PARD3B: variants seen among roughly 807,000 people sequenced by gnomAD.
The protein encoded by PARD3B is par-3 family cell polarity regulator beta.
Under a neutral mutation model 130.2 loss-of-function variants are expected in PARD3B, and 103 were observed. The ratio of observed to expected loss-of-function variants is 0.79; its 90% CI spans 0.67 to 0.93. The LOEUF is 0.93. Ranked by LOEUF, PARD3B falls within the 40% of genes least tolerant of loss-of-function variation. PARD3B has a pLI of 0.00. For synonymous variants in PARD3B, 583 were observed against 553.2 expected (o/e 1.05, Z -0.76); for missense variants, 1,609 against 1,499.2 (o/e 1.07, Z -1.21).
At chr2:205,130,807 T>G (rs1008847423) in intron 10 of PARD3B, among the ~76,000 whole-genome samples, 4 of 152,218 alleles carry the variant, frequency 2.6e-5, no homozygotes, top group African/African-American at 9.6e-5. Flanking sequence ...CCTGGCATGA[T>G]TGAAAACCAA....
At chr2:205,030,426 C>T (rs1179174930) in intron 3 of PARD3B, among the ~76,000 whole-genome samples, 2 of 152,080 alleles carry the variant, frequency 1.3e-5, no homozygotes, top group African/African-American at 4.8e-5. Flanking sequence ...GATAGGTCCA[C>T]CAGTCACTTA....
intron 1 of PARD3B, among the ~76,000 whole-genome samples, chr2:204,618,516 A>G (rs2034189097): frequency 6.6e-6 from 1 of 152,210 alleles, no homozygotes; most frequent in Non-Finnish European, 1.5e-5. Flanking sequence ...CCACAACTGC[A>G]ACAGTGACAG....
intron 16 of PARD3B, among the ~76,000 whole-genome samples, chr2:205,277,796 C>T (rs1028503632): frequency 6.6e-6 from 1 of 152,018 alleles, no homozygotes; most frequent in African/African-American, 2.4e-5. Context: ...TAAATCATCC[C>T]GAGGAGTTTG....
At position 205,425,550 on chromosome 2, in the gene PARD3B, TAA is replaced by T. The variant is rs34514205; in HGVS notation, c.2742-14803_2742-14802del. On this transcript the variant is annotated intron_variant, in intron 19 of 22. Coordinates refer to ENST00000406610, the MANE Select transcript of PARD3B (RefSeq NM_001302769.2). ...TTTAGAATATGAAATAGACTCGGTGTAAAAAAAAAAAAAAAAAACAACAACAT... is the reference window on the plus strand; with the variant it reads ...TTTAGAATATGAAATAGACTCGGTGTAAAAAAAAAAAAAAAACAACAACAT... 2.7e-3 allele frequency among the ~76,000 whole-genome samples: 368 copies of T among 134,670 alleles called. 1 individual carries two copies. The highest frequency in any genetic ancestry group is 7.6e-3 in the Middle Eastern group (2 of 262). 88.3% of individuals were successfully genotyped at this position (134,670 alleles called of 152,430 possible).
chr2:204,787,950 C>G (rs1008685953), intron 2 of PARD3B, among the ~76,000 whole-genome samples: 1 of 152,200 alleles, frequency 6.6e-6, no homozygotes, highest in Non-Finnish European at 1.5e-5. Flanking sequence ...TGGGGGCCTC[C>G]TGATCATCAT....
chr2:205,235,562 C>T (rs1261691335), intron 15 of PARD3B, among the ~76,000 whole-genome samples: 1 of 152,016 alleles, frequency 6.6e-6, no homozygotes, highest in Non-Finnish European at 1.5e-5. Context: ...TACTATACAC[C>T]ACAATGGATC....
intron 15 of PARD3B, among the ~76,000 whole-genome samples, chr2:205,236,752 C>T (rs2039079264): frequency 6.6e-6 from 1 of 152,102 alleles, no homozygotes. Flanking sequence ...ACAGAAAAAG[C>T]ATAACCATAT....
chr2:204,812,540 G>A (rs533705267), intron 2 of PARD3B, among the ~76,000 whole-genome samples: 1 of 152,258 alleles, frequency 6.6e-6, no homozygotes, highest in South Asian at 2.1e-4. Flanking sequence ...CTTCTCCCCT[G>A]ATTCTTCCCT....
At chr2:204,899,205 CCCTTCCCTCCCCT>C (rs1454032649) in intron 2 of PARD3B, among the ~76,000 whole-genome samples, 2 of 119,998 alleles carry the variant, frequency 1.7e-5, no homozygotes, top group Non-Finnish European at 1.7e-5. Context: ...TCCCTTCCCT[CCCTTCCCTCCCCT>C]CCTTCCCTCC....
At chr2:205,154,077 A>G (rs1046687584) in intron 10 of PARD3B, among the ~76,000 whole-genome samples, 2 of 152,222 alleles carry the variant, frequency 1.3e-5, no homozygotes, top group East Asian at 1.9e-4. Context: ...GCTTCTGCAC[A>G]GCAAAAGAAA....
intron 1 of PARD3B, among the ~76,000 whole-genome samples, chr2:204,551,299 T>A (rs945288145): frequency 5.9e-5 from 9 of 152,218 alleles, no homozygotes; most frequent in Non-Finnish European, 1.5e-5. Flanking sequence ...GCTCTGACAA[T>A]GCTGGGCTTT....
intron 15 of PARD3B, among the ~76,000 whole-genome samples, chr2:205,197,030 G>GTGTGTGTGT (rs1553636899): frequency 5.9e-4 from 10 of 17,068 alleles, no homozygotes; most frequent in Non-Finnish European, 8.2e-4. Flanking sequence ...CTGTGGGGGG[G>GTGTGTGTGT]GGGTGTGTGT....
chr2:204,749,611 C>CA (rs970255592), intron 2 of PARD3B, among the ~76,000 whole-genome samples: 5 of 151,634 alleles, frequency 3.3e-5, no homozygotes, highest in South Asian at 2.1e-4. Context: ...TTGTTGACAA[C>CA]AAAAAAAAGA....
chr2:204,758,617 A>G (rs1284605304), intron 2 of PARD3B, among the ~76,000 whole-genome samples: 1 of 152,166 alleles, frequency 6.6e-6, no homozygotes, highest in Non-Finnish European at 1.5e-5. Flanking sequence ...TCCAGGTATG[A>G]GTATATTTTA....
rs188671513 is a variant in PARD3B at position 204,965,100 on chromosome 2, G to A, written c.223-52G>A. ...GATCACGTTCAGCTAGATAGTGTCC[G>A]TGTGGTATGCATGTCCTACAAAGTA... On this transcript the variant is annotated intron_variant, in intron 2 of 22. Transcript: ENST00000406610. The A allele has an allele frequency of 6.1e-5, 95 of 1,558,976 alleles. 1 individual carries two copies. The highest frequency in any genetic ancestry group is 1.7e-4 in the Middle Eastern group (1 of 5,752).
intron 3 of PARD3B, among the ~76,000 whole-genome samples, chr2:204,975,486 C>G (rs1036680072): frequency 6.6e-6 from 1 of 152,156 alleles, no homozygotes; most frequent in Non-Finnish European, 1.5e-5. Context: ...ACTCTTTTAA[C>G]GGTAGGTGGT....
In PARD3B at chr2:205,244,791, T is replaced by C. The variant is rs1017703348; in HGVS notation, c.2141-987T>C. 7.2e-5 allele frequency among the ~76,000 whole-genome samples: 11 copies of C among 152,158 alleles called. No individual in the cohort carries two copies. The highest frequency in any genetic ancestry group is 2.7e-4 in the African/African-American group (11 of 41,444). ...CCGTTTCATCAGAGCTCCATTAATC[T>C]AGAGTTAGTTTTTCCCCGCTGTTGA... On this transcript the variant is annotated intron_variant, in intron 15 of 22. Coordinates refer to ENST00000406610, the MANE Select transcript of PARD3B (RefSeq NM_001302769.2). This position sits in a 1 kb window ranked among gnomAD's most constrained non-coding sequence, Gnocchi z 4.7.
intron 2 of PARD3B, among the ~76,000 whole-genome samples, chr2:204,878,936 AT>A (rs527640580): frequency 0.043 from 6,445 of 150,608 alleles, 165 homozygotes; most frequent in Non-Finnish European, 0.063. Context: ...AAGATTGACA[AT>A]TTTTTTTTTC....
At chr2:205,509,744 G>A (rs1290904637) in intron 21 of PARD3B, among the ~76,000 whole-genome samples, 1 of 152,156 alleles carries the variant, frequency 6.6e-6, no homozygotes, top group Non-Finnish European at 1.5e-5. Flanking sequence ...CTGTTTCCAC[G>A]TATGGAGCCC....
Sources: allele counts gnomAD v4.1 joint callset (sites outside exome capture counted in the v4.1 genomes callset), GRCh38; gene constraint gnomAD v4.1.1; non-coding constraint Gnocchi (gnomAD v3.1); transcripts MANE v1.5; gene names NCBI Gene and HGNC (gene_info 2026-07-23, HGNC 2026-07-21).